The following SAMTOR variants were observed in gnomAD, a reference collection of about 807,000 sequenced individuals.
SAMTOR encodes S-adenosylmethionine sensor upstream of mTORC1, also known as UPF0532 protein C7orf60.
At chr7:112,887,671 T>A in the SAMTOR span, among the ~76,000 whole-genome samples, 1 of 152,234 alleles carries the variant, frequency 6.6e-6, no homozygotes, top group African/African-American at 2.4e-5. Context: ...TGAGTTTTAG[T>A]AGATTGTATC....
the SAMTOR span, among the ~76,000 whole-genome samples, chr7:112,901,980 T>C: frequency 1.3e-5 from 2 of 152,040 alleles, no homozygotes; most frequent in Non-Finnish European, 2.9e-5. Flanking sequence ...TATCAAGCCA[T>C]AAAAAGACAC....
the SAMTOR span, among the ~76,000 whole-genome samples, chr7:112,851,194 C>T: frequency 6.6e-6 from 1 of 151,858 alleles, no homozygotes; most frequent in Non-Finnish European, 1.5e-5. Flanking sequence ...ACATTTTTCA[C>T]CAAGTCTAAA....
chr7:112,880,047 G>C, the SAMTOR span, among the ~76,000 whole-genome samples: 1 of 152,030 alleles, frequency 6.6e-6, no homozygotes, highest in Non-Finnish European at 1.5e-5. Context: ...TAAATTTTTT[G>C]AATGCTGTAC....
At chr7:112,865,274 C>A in the SAMTOR span, among the ~76,000 whole-genome samples, 1 of 151,828 alleles carries the variant, frequency 6.6e-6, no homozygotes, top group Non-Finnish European at 1.5e-5. Context: ...CACAGCAAGA[C>A]CCCCCATCTC....
the SAMTOR span, chr7:112,915,393 CAA>C: frequency 6.2e-7 from 1 of 1,613,570 alleles, no homozygotes; most frequent in Non-Finnish European, 8.5e-7. Context: ...GGCATATTCA[CAA>C]AGAGTTTCTT....
chr7:112,862,925 A>AG, the SAMTOR span, among the ~76,000 whole-genome samples: 2 of 148,936 alleles, frequency 1.3e-5, no homozygotes, highest in South Asian at 4.3e-4. Flanking sequence ...TGAGACTCCA[A>AG]AAAAAAAAAG....
the SAMTOR span, among the ~76,000 whole-genome samples, chr7:112,892,361 TC>T: frequency 3.3e-5 from 5 of 152,262 alleles, no homozygotes; most frequent in East Asian, 9.6e-4. Context: ...TCACAAATGT[TC>T]TTAATGGCAT....
chr7:112,923,900 G>A, the SAMTOR span, among the ~76,000 whole-genome samples: 1 of 152,080 alleles, frequency 6.6e-6, no homozygotes, highest in African/African-American at 2.4e-5. Flanking sequence ...GTAGGGATAT[G>A]GATGAAACTG....
the SAMTOR span, among the ~76,000 whole-genome samples, chr7:112,893,526 G>A: frequency 7.2e-5 from 11 of 152,218 alleles, no homozygotes; most frequent in African/African-American, 2.7e-4. Context: ...TTGAGGGAAT[G>A]CTGTGGTTGG....
chr7:112,880,745 T>C, the SAMTOR span, among the ~76,000 whole-genome samples: 5 of 152,232 alleles, frequency 3.3e-5, no homozygotes, highest in African/African-American at 1.2e-4. Context: ...TATTTGTATA[T>C]ATATTTGATT....
At chr7:112,822,152 A>G in the SAMTOR span, 5 of 1,613,886 alleles carry the variant, frequency 3.1e-6, no homozygotes, top group Admixed American at 8.3e-5. Context: ...GTAATAAACC[A>G]TTTAACACTA....
the SAMTOR span, among the ~76,000 whole-genome samples, chr7:112,827,748 G>A: frequency 1.7e-3 from 261 of 152,164 alleles, no homozygotes; most frequent in African/African-American, 6.0e-3. Context: ...TTGAGACAGG[G>A]TCTCCCTCTG....
the SAMTOR span, among the ~76,000 whole-genome samples, chr7:112,930,944 T>C: frequency 5.5e-4 from 83 of 152,190 alleles, no homozygotes; most frequent in Non-Finnish European, 7.9e-4. Flanking sequence ...TGAACTTTCA[T>C]GGATATGAGC....
the SAMTOR span, among the ~76,000 whole-genome samples, chr7:112,846,429 C>T: frequency 3.9e-5 from 6 of 151,956 alleles, no homozygotes; most frequent in Admixed American, 1.3e-4. Flanking sequence ...GCTTAGTACC[C>T]GGGTGGCAAA....
chr7:112,832,012 CTTTTTTT>C, the SAMTOR span, among the ~76,000 whole-genome samples: 1 of 131,092 alleles, frequency 7.6e-6, no homozygotes, highest in Non-Finnish European at 1.7e-5. Flanking sequence ...ACTGAAGTTT[CTTTTTTT>C]TTTTTTTTTT....
the SAMTOR span, among the ~76,000 whole-genome samples, chr7:112,849,852 T>C: frequency 0.034 from 5,196 of 152,288 alleles, 118 homozygotes; most frequent in South Asian, 0.052. Context: ...ATTGAAGTGA[T>C]CATATGGTTT....
chr7:112,924,193 T>G, the SAMTOR span, among the ~76,000 whole-genome samples: 2 of 151,282 alleles, frequency 1.3e-5, no homozygotes, highest in African/African-American at 4.9e-5. Flanking sequence ...TAAAGTATAA[T>G]AATAATAAAA....
At chr7:112,844,184 A>G in the SAMTOR span, among the ~76,000 whole-genome samples, 1 of 152,138 alleles carries the variant, frequency 6.6e-6, no homozygotes, top group Non-Finnish European at 1.5e-5. Flanking sequence ...TGAATAGGCA[A>G]AAGCTGGAAG....
chr7:112,840,205 G>A, the SAMTOR span, among the ~76,000 whole-genome samples: 1 of 151,916 alleles, frequency 6.6e-6, no homozygotes, highest in South Asian at 2.1e-4. Context: ...TTGAGAACTG[G>A]TTTTAGATTT....
Sources: gnomAD v4.1 joint callset for allele counts (sites outside exome capture counted in the v4.1 genomes callset) on GRCh38, gnomAD v4.1.1 for gene constraint, MANE v1.5 for transcripts, NCBI Gene and HGNC (gene_info 2026-07-23, HGNC 2026-07-21) for gene names.